The following ZNF711 variants were observed in gnomAD, a reference collection of about 807,000 sequenced individuals.
The protein encoded by ZNF711 is zinc finger protein 711.
A neutral mutation model predicts 43.5 loss-of-function variants in ZNF711; 3 were observed. The observed-to-expected ratio is 0.07, with a 90% CI of 0.03 to 0.18. ZNF711 has a LOEUF of 0.18. Among genes scored for constraint, ZNF711 ranks in the 10% least tolerant of loss-of-function variants. The pLI, the probability that ZNF711 is intolerant of heterozygous loss-of-function variation, is 1.00. For missense variants in ZNF711, 412 were observed against 604.0 expected (o/e 0.68, Z 3.33); for synonymous variants, 209 against 207.7 (o/e 1.01, Z -0.06).
In ZNF711 at chrX:85,255,812, C is replaced by A; in HGVS notation, c.622+11C>A. The A allele has an allele frequency of 1.7e-6, 2 of 1,203,312 alleles. No homozygotes were observed. The highest frequency in any genetic ancestry group is 2.2e-6 in the Non-Finnish European group (2 of 890,484). ...ACTTAATGATATCTTGTAAGTGAAA[C>A]ATAAAGCCCATAATTACTCAGGAGA... On this transcript the variant is annotated intron_variant, in intron 5 of 10. Coordinates refer to ENST00000674551, the MANE Select transcript of ZNF711 (RefSeq NM_001330574.2).
At position 85,260,367 on chromosome X, in the gene ZNF711, A is replaced by G. The variant is rs777967204; in HGVS notation, c.623-3908A>G. On this transcript the variant is annotated intron_variant, in intron 5 of 10. Transcript: ENST00000674551. ...AGCAAAATATCTTGTTAACATCATG[A>G]TGGGAGATCTCATTCAAACCTCCCT... Among the ~76,000 whole-genome samples the G allele has an allele frequency of 4.7e-4, 52 of 111,192 alleles. 1 individual carries two copies. In the Admixed American group the frequency reaches 4.9e-3, roughly 10 times the overall value.
At chrX:85,267,746 T>C (rs111489869) in intron 8 of ZNF711, among the ~76,000 whole-genome samples, 308 of 111,842 alleles carry the variant, frequency 2.8e-3, no homozygotes, top group African/African-American at 9.4e-3. Context: ...AAAAACTTAT[T>C]TCATTTATTA....
At chrX:85,249,745 T>C (rs1213991618) in intron 4 of ZNF711, among the ~76,000 whole-genome samples, 2 of 111,737 alleles carry the variant, frequency 1.8e-5, no homozygotes, top group African/African-American at 6.5e-5. Flanking sequence ...TTATAAAGTA[T>C]ACAATTCAAT....
In ZNF711 at chrX:85,261,816, C is replaced by T. The variant is rs193229818; in HGVS notation, c.623-2459C>T. Among the ~76,000 whole-genome samples, 423 of 110,782 alleles carry T rather than the reference C, an allele frequency of 3.8e-3. 2 individuals are homozygous for T. The highest frequency in any genetic ancestry group is 0.013 in the African/African-American group (411 of 30,670). On this transcript the variant is annotated intron_variant, in intron 5 of 10. Coordinates refer to ENST00000674551, the MANE Select transcript of ZNF711 (RefSeq NM_001330574.2). ...TGGATTGAGAAACAACACTATTGGA[C>T]TTGAATATTGCATACCTTACAACAA...
At chrX:85,258,698 T>C (rs997287878) in intron 5 of ZNF711, among the ~76,000 whole-genome samples, 1 of 110,535 alleles carries the variant, frequency 9.0e-6, no homozygotes, top group Non-Finnish European at 1.9e-5. Context: ...TGTTGACCAC[T>C]TGTATGTTTT....
chrX:85,268,325 A>G lies in ZNF711; in HGVS notation c.1086A>G (p.Glu362=). The G allele has an allele frequency of 8.4e-7, 1 of 1,192,253 alleles. No homozygotes were observed. The highest frequency in any genetic ancestry group is 1.1e-6 in the Non-Finnish European group (1 of 886,433). ...GDERRVSRRY[E]DCQASGNTLD... is the part of the protein sequence containing the mutation. ...AAAGAAGAGTTTCCCGAAGGTATGAAGATTGTCAAGCATCAGGTAAGAGAG... is the reference window on the plus strand; with the variant it reads ...AAAGAAGAGTTTCCCGAAGGTATGAGGATTGTCAAGCATCAGGTAAGAGAG... Residue 362 remains glutamate, a synonymous_variant, in exon 9 of 11, where the codon GAA becomes GAG. Coordinates refer to ENST00000674551, the MANE Select transcript of ZNF711 (RefSeq NM_001330574.2).
At chrX:85,269,130 A>G (rs1187449698) in intron 9 of ZNF711, among the ~76,000 whole-genome samples, 1 of 111,715 alleles carries the variant, frequency 9.0e-6, no homozygotes, top group African/African-American at 3.2e-5. Context: ...CGTAAAATCA[A>G]TCTTAATATG....
rs753768714 is a variant in ZNF711, at chrX:85,253,021, G to C, written c.80-2238G>C. Among the ~76,000 whole-genome samples the C allele has an allele frequency of 4.5e-5, 5 of 111,785 alleles. No individual in the cohort carries two copies. The East Asian group carries it at 1.4e-3, about 31-fold the overall frequency. On this transcript the variant is annotated intron_variant, in intron 4 of 10. Transcript: ENST00000674551. ...AAAGTGATCAAAAGGTTTTGTACTG[G>C]ATGATTTCTTGTAGATAATTTATTA...
rs1841759642 is a variant in ZNF711, at chrX:85,255,391, T to A, written c.212T>A (p.Val71Asp). 8.3e-7 allele frequency: 1 copy of A among 1,211,666 alleles called. No homozygotes were observed. The highest frequency in any genetic ancestry group is 1.1e-6 in the Non-Finnish European group (1 of 895,532). Residue 71 changes from valine (V) to aspartate (D), a missense_variant, in exon 5 of 11, where the codon GTC (valine) becomes GAC (aspartate). Physicochemically the swap from Val to Asp is radical, Grantham distance 152 (BLOSUM62 -3). Around this residue, in one of 4 missense-constraint regions of ZNF711, gnomAD observed 375 missense variants for 514.2 expected, o/e 0.73. Coordinates refer to ENST00000674551, the MANE Select transcript of ZNF711 (RefSeq NM_001330574.2). ...TLDHGLAAEV[V>D]HGPDIITETD... ...GATCATGGCCTTGCAGCTGAAGTTG[T>A]CCATGGACCTGATATCATCACAGAG...
chrX:85,259,731 C>T lies in ZNF711; in HGVS notation c.622+3930C>T, dbSNP rs575957868. The stretch of plus-strand genomic sequence containing the variant: ...TGTAGAAATGCTACTGATTTTTGTA[C>T]ATTGATTTTGTATCCTGAAGCCTTA... On this transcript the variant is annotated intron_variant, in intron 5 of 10. Transcript: ENST00000674551. 5.4e-5 allele frequency among the ~76,000 whole-genome samples: 6 copies of T among 111,200 alleles called. No individual in the cohort carries two copies. In the South Asian group the frequency reaches 2.2e-3, roughly 41 times the overall value.
chrX:85,270,427 T>A (rs954084105), intron 10 of ZNF711, among the ~76,000 whole-genome samples: 2 of 111,203 alleles, frequency 1.8e-5, no homozygotes, highest in South Asian at 3.8e-4. Flanking sequence ...ATATATGATA[T>A]TGCATTTTGG....
intron 5 of ZNF711, 59 bp from the exon 6 acceptor site, chrX:85,264,211 CTTGTT>C (rs1376135710): frequency 4.1e-6 from 4 of 975,610 alleles, no homozygotes; most frequent in Admixed American, 4.8e-5. Context: ...GGTAATTTTT[CTTGTT>C]TTGTTGTTTT....
chrX:85,248,903 G>A (rs1385915997), intron 4 of ZNF711, among the ~76,000 whole-genome samples: 1 of 111,823 alleles, frequency 8.9e-6, no homozygotes, highest in African/African-American at 3.3e-5. Flanking sequence ...CAGTAAAGCC[G>A]TATTCTAGTC....
chrX:85,270,039 G>C lies in ZNF711; in HGVS notation c.1139G>C (p.Ser380Thr). 2.5e-6 allele frequency: 3 copies of C among 1,210,268 alleles called. No individual in the cohort carries two copies. The highest frequency in any genetic ancestry group is 3.5e-5 in the South Asian group (2 of 56,977). Residue 380 changes from serine to threonine, a missense_variant, in exon 10 of 11, where the codon AGT (serine) becomes ACT (threonine). Physicochemically the swap from Ser to Thr is moderately conservative, Grantham distance 58. Transcript: ENST00000674551. The stretch of plus-strand genomic sequence containing the variant: ...GACTCAGCATTAGAAAGCAGAAGTA[G>C]TACAGCAGCACAGTACCTTCAAATT... ...TLDSALESRS[S>T]TAAQYLQICD...
At chrX:85,253,646 A>G (rs987696965) in intron 4 of ZNF711, among the ~76,000 whole-genome samples, 2 of 110,401 alleles carry the variant, frequency 1.8e-5, no homozygotes, top group Non-Finnish European at 3.8e-5. Context: ...GTGTGTGTGT[A>G]TGTGAATGTA....
chrX:85,252,436 A>G (rs1311429660), intron 4 of ZNF711, among the ~76,000 whole-genome samples: 1 of 111,554 alleles, frequency 9.0e-6, no homozygotes, highest in African/African-American at 3.3e-5. Flanking sequence ...TACTTTCAAG[A>G]ACCAGACTAA....
In ZNF711 at chrX:85,244,138, C is replaced by T; in HGVS notation, c.-459C>T. The T allele has an allele frequency of 7.2e-6, 1 of 139,604 alleles. No homozygotes were observed. Among genetic ancestry groups the T allele is most frequent in the Non-Finnish European group, 1.3e-5 (1 of 75,444 alleles). 11.5% of individuals were successfully genotyped at this position (139,604 alleles called of 1,213,427 possible). ...GGCGGCACGGAGGCGGCGGCGGCGG[C>T]GGCGGCGGCAGCGGCGGCGGCAGCG... On this transcript the variant is annotated 5_prime_UTR_variant, in exon 1 of 11. Coordinates refer to ENST00000674551, the MANE Select transcript of ZNF711 (RefSeq NM_001330574.2).
At chrX:85,250,880 A>AT (rs1929497158) in intron 4 of ZNF711, among the ~76,000 whole-genome samples, 1 of 111,088 alleles carries the variant, frequency 9.0e-6, no homozygotes, top group Non-Finnish European at 1.9e-5. Context: ...AGGCATTTTC[A>AT]TTTTTGTATG....
chrX:85,262,519 A>AT (rs1257843955), intron 5 of ZNF711, among the ~76,000 whole-genome samples: 1 of 109,797 alleles, frequency 9.1e-6, no homozygotes, highest in Non-Finnish European at 1.9e-5. Flanking sequence ...CTTACTCATG[A>AT]TTTTTTCTAT....
Sources: allele counts gnomAD v4.1 joint callset (sites outside exome capture counted in the v4.1 genomes callset), GRCh38; gene constraint gnomAD v4.1.1; regional missense constraint gnomAD v4.1.1; transcripts MANE v1.5; gene names NCBI Gene and HGNC (gene_info 2026-07-23, HGNC 2026-07-21).